MYH10: variants seen among roughly 807,000 people sequenced by gnomAD.
MYH10 encodes the protein myosin heavy chain 10.
In MYH10, 55 loss-of-function variants were observed where a neutral mutation model predicts 257.8. The ratio of observed to expected loss-of-function variants is 0.21; its 90% CI spans 0.17 to 0.27. MYH10 has a LOEUF of 0.27. MYH10 is among the 10% of genes least tolerant of loss of function. The pLI, the probability that MYH10 is intolerant of heterozygous loss-of-function variation, is 1.00. For missense variants in MYH10, 1,631 were observed against 2,500.6 expected, an observed-to-expected ratio of 0.65 and a Z score of 7.42; for synonymous variants, 854 against 921.7, an observed-to-expected ratio of 0.93 and a Z score of 1.33.
At chr17:8,597,808 C>T (rs979491329) in intron 3 of MYH10, among the ~76,000 whole-genome samples, 11 of 150,614 alleles carry the variant, frequency 7.3e-5, no homozygotes, top group Admixed American at 4.0e-4. Flanking sequence ...TTAGTAGAGA[C>T]GGGGTTTCAC....
At chr17:8,566,109 C>A (rs549290394) in intron 7 of MYH10, among the ~76,000 whole-genome samples, 1 of 152,254 alleles carries the variant, frequency 6.6e-6, no homozygotes, top group African/African-American at 2.4e-5. Context: ...CACCACTACC[C>A]AATCTCCCAG....
chr17:8,560,501 T>C (rs973446250), intron 7 of MYH10: 5 of 539,158 alleles, frequency 9.3e-6, no homozygotes, highest in Non-Finnish European at 1.7e-5. Context: ...TTTGACATCA[T>C]TGTTGATGGT....
At chr17:8,509,459 C>A (rs2081186366) in intron 25 of MYH10, among the ~76,000 whole-genome samples, 1 of 152,230 alleles carries the variant, frequency 6.6e-6, no homozygotes, top group South Asian at 2.1e-4. Flanking sequence ...GTCTTGGTGC[C>A]CACCCCGGGA....
intron 30 of MYH10, among the ~76,000 whole-genome samples, chr17:8,497,691 A>C (rs1916848853): frequency 1.5e-5 from 2 of 135,078 alleles, no homozygotes; most frequent in Non-Finnish European, 3.1e-5. Context: ...GTGAGCCGAG[A>C]TTGCGCCACT....
chr17:8,478,503 A>C, intron 40 of MYH10, 57 bp from the exon 41 acceptor site: 2 of 1,542,244 alleles, frequency 1.3e-6, no homozygotes, highest in South Asian at 2.2e-5. Context: ...TGTGTGGGAA[A>C]AAATATTTTT....
rs1425869050 is a variant in MYH10 at position 8,506,975 on chromosome 17, C to T, written c.3215-486G>A. Among the ~76,000 whole-genome samples, 1 of 152,210 alleles carries T rather than the reference C, an allele frequency of 6.6e-6. No individual in the cohort carries two copies. The highest frequency in any genetic ancestry group is 1.9e-4 in the East Asian group (1 of 5,198). On this transcript the variant is annotated intron_variant, in intron 26 of 42. Transcript: ENST00000360416. The surrounding 1 kb of genome is among the most constrained non-coding windows in gnomAD (Gnocchi z 5.0). ...GTGGGCAGAGAGGGCCAGGCCTTTTCTCCACCCTCCCCTCTAAAATTCTGC... is the reference window on the plus strand; with the variant it reads ...GTGGGCAGAGAGGGCCAGGCCTTTTTTCCACCCTCCCCTCTAAAATTCTGC...
At chr17:8,621,949 TG>T (rs567429992) in intron 2 of MYH10, among the ~76,000 whole-genome samples, 18 of 152,244 alleles carry the variant, frequency 1.2e-4, no homozygotes, top group Non-Finnish European at 2.2e-4. Flanking sequence ...TCTTCTTCAC[TG>T]TACTATCCCC....
chr17:8,598,947 T>A (rs1400915067), intron 3 of MYH10, among the ~76,000 whole-genome samples: 1 of 152,220 alleles, frequency 6.6e-6, no homozygotes, highest in African/African-American at 2.4e-5. Flanking sequence ...GCTCAAGTGA[T>A]CTGCCCACCT....
intron 42 of MYH10, among the ~76,000 whole-genome samples, chr17:8,476,227 G>C (rs1463366214): frequency 6.6e-6 from 1 of 152,252 alleles, no homozygotes; most frequent in Non-Finnish European, 1.5e-5. Context: ...GACGGATTAA[G>C]GCCAAGCTCT....
At chr17:8,575,817 G>T (rs1156531576) in intron 6 of MYH10, among the ~76,000 whole-genome samples, 1 of 152,132 alleles carries the variant, frequency 6.6e-6, no homozygotes, top group African/African-American at 2.4e-5. Context: ...ATCTGGCTCA[G>T]GTCTGCCCTC....
intron 17 of MYH10, among the ~76,000 whole-genome samples, chr17:8,522,437 A>T (rs935930804): frequency 1.3e-5 from 2 of 152,210 alleles, no homozygotes; most frequent in African/African-American, 2.4e-5. Context: ...TTCCAGGCCC[A>T]TGCAGGCACA....
In MYH10 at chr17:8,484,218, T is replaced by C. The variant is rs755038281; in HGVS notation, c.5095A>G (p.Arg1699Gly). 6 of 1,613,092 alleles carry C rather than the reference T, an allele frequency of 3.7e-6. No homozygotes were observed. The highest frequency in any genetic ancestry group is 2.2e-5 in the East Asian group (1 of 44,810). ...QRELEEARAS[R>G]DEIFAQSKES... is the part of the protein sequence containing the mutation. Reference sequence around the variant, plus strand: ...TTGGATTGAGCAAAAATCTCATCTCTGGATGCACGAGCTTCTTCTAATTCA... The same window carrying C: ...TTGGATTGAGCAAAAATCTCATCTCCGGATGCACGAGCTTCTTCTAATTCA... Residue 1699 changes from arginine (R) to glycine (G), a missense_variant, in exon 37 of 43, where the codon AGA becomes GGA. Coordinates refer to ENST00000360416, the MANE Select transcript of MYH10 (RefSeq NM_001256012.3).
Position 8,487,518 on chromosome 17 carries a change from T to A in MYH10, c.4961A>T (p.Glu1654Val), listed in dbSNP as rs1362919918. 1 of 1,614,184 alleles carries A rather than the reference T, an allele frequency of 6.2e-7. No individual in the cohort carries two copies. Among genetic ancestry groups the A allele is most frequent in the Non-Finnish European group, 8.5e-7 (1 of 1,180,028 alleles). ...GGCTTCGAGGTCCTTCAGGTCTATC[T>A]CCATCTTTTTCTTTGAAGCTACAGC... Reference protein sequence around the residue: ...ALAVASKKKMEIDLKDLEAQI... With the variant: ...ALAVASKKKMVIDLKDLEAQI... The change falls in exon 36 of 43, where the codon GAG becomes GTG. Residue 1654 changes from glutamate to valine, a missense_variant. This residue lies in a region of MYH10 where 463 missense variants were observed against 621.8 expected (regional missense o/e 0.74). Transcript: ENST00000360416.
chr17:8,554,171 G>T, intron 7 of MYH10, 153 bp from the exon 8 acceptor site: 3 of 484,688 alleles, frequency 6.2e-6, no homozygotes, highest in South Asian at 3.2e-5. Context: ...GAAGAAAACA[G>T]GCTGTGATAC....
intron 16 of MYH10, among the ~76,000 whole-genome samples, chr17:8,533,471 T>C (rs1353056892): frequency 6.6e-6 from 1 of 152,176 alleles, no homozygotes; most frequent in African/African-American, 2.4e-5. Flanking sequence ...TTTCTACAAA[T>C]GCCACCCCAG....
At chr17:8,526,080 C>T (rs1456548440) in intron 17 of MYH10, among the ~76,000 whole-genome samples, 5 of 152,290 alleles carry the variant, frequency 3.3e-5, no homozygotes, top group African/African-American at 7.2e-5. Flanking sequence ...CGTGAGCCAC[C>T]GCGCCCAGCC....
intron 3 of MYH10, among the ~76,000 whole-genome samples, chr17:8,604,031 C>T (rs760034996): frequency 6.6e-6 from 1 of 152,086 alleles, no homozygotes. Context: ...CCATGACCTG[C>T]AATTTGATGA....
chr17:8,508,789 C>A, intron 25 of MYH10, 112 bp from the exon 26 acceptor site: 1 of 1,256,782 alleles, frequency 8.0e-7, no homozygotes, highest in South Asian at 1.4e-5. Context: ...TCTATCGGCA[C>A]TGCCTCCCCC....
At chr17:8,610,624 A>T (rs2085002267) in intron 2 of MYH10, among the ~76,000 whole-genome samples, 1 of 152,158 alleles carries the variant, frequency 6.6e-6, no homozygotes, top group African/African-American at 2.4e-5. Context: ...ACCTTCATCA[A>T]TGGATTAATG....
Sources: allele counts gnomAD v4.1 joint callset (sites outside exome capture counted in the v4.1 genomes callset), GRCh38; gene constraint gnomAD v4.1.1; regional missense constraint gnomAD v4.1.1; non-coding constraint Gnocchi (gnomAD v3.1); transcripts MANE v1.5; gene names NCBI Gene and HGNC (gene_info 2026-07-23, HGNC 2026-07-21).